CNTN4: variants seen among roughly 807,000 people sequenced by gnomAD.
The protein encoded by CNTN4 is contactin 4, also known as contactin-4.
Under a neutral mutation model 122.5 loss-of-function variants are expected in CNTN4, and 77 were observed. That is an observed-to-expected ratio of 0.63 (90% CI 0.52 to 0.76). CNTN4 has a LOEUF of 0.76. Ranked by LOEUF, CNTN4 falls within the 30% of genes least tolerant of loss-of-function variation. CNTN4 has a pLI of 0.00. For synonymous variants in CNTN4, 512 were observed against 447.0 expected (o/e 1.15, Z -1.83); for missense variants, 1,256 against 1,259.1 (o/e 1.00, Z 0.04).
chr3:2,589,138 C>G (rs1281270935), intron 4 of CNTN4, among the ~76,000 whole-genome samples: 1 of 152,138 alleles, frequency 6.6e-6, no homozygotes, highest in Non-Finnish European at 1.5e-5. Flanking sequence ...TGAACTGCAG[C>G]CCTAGAACAG....
intron 2 of CNTN4, among the ~76,000 whole-genome samples, chr3:2,139,924 G>T (rs62246962): frequency 0.022 from 3,345 of 152,284 alleles, 60 homozygotes; most frequent in Non-Finnish European, 0.034. Context: ...ATCTTGAATT[G>T]TAATCCCTAT....
At chr3:2,813,298 G>A (rs28552112) in intron 6 of CNTN4, among the ~76,000 whole-genome samples, 17,124 of 152,066 alleles carry the variant, frequency 0.11, 1,402 homozygotes, top group East Asian at 0.29. Flanking sequence ...TACTGATTGC[G>A]TCTTTTAAAA....
intron 2 of CNTN4, among the ~76,000 whole-genome samples, chr3:2,223,360 C>T (rs2039139080): frequency 6.6e-6 from 1 of 152,134 alleles, no homozygotes; most frequent in Admixed American, 6.5e-5. Context: ...ATATCCTTCC[C>T]CCTTCTGTTT....
chr3:2,225,012 C>CAT (rs2039218168), intron 2 of CNTN4, among the ~76,000 whole-genome samples: 1 of 150,572 alleles, frequency 6.6e-6, no homozygotes, highest in Non-Finnish European at 1.5e-5. Context: ...TAGCCGGTTG[C>CAT]GGTGGCGGGC....
chr3:3,009,679 C>T (rs1244378839), intron 14 of CNTN4, among the ~76,000 whole-genome samples: 2 of 152,120 alleles, frequency 1.3e-5, no homozygotes, highest in Non-Finnish European at 2.9e-5. Context: ...GTGATCTGCC[C>T]TCCTCGGCCT....
chr3:2,346,012 A>G (rs1470392248), intron 3 of CNTN4, among the ~76,000 whole-genome samples: 2 of 151,922 alleles, frequency 1.3e-5, no homozygotes, highest in African/African-American at 4.8e-5. Flanking sequence ...GTGTAGTTGG[A>G]TTTTTTCAGT....
At chr3:3,047,755 G>C (rs1700821758) in intron 23 of CNTN4, among the ~76,000 whole-genome samples, 1 of 150,982 alleles carries the variant, frequency 6.6e-6, no homozygotes, top group Non-Finnish European at 1.5e-5. Context: ...AAAGCTAGCA[G>C]AAGGCAAGAA....
At chr3:2,717,183 G>A (rs555856322) in intron 4 of CNTN4, among the ~76,000 whole-genome samples, 52 of 152,262 alleles carry the variant, frequency 3.4e-4, no homozygotes, top group South Asian at 1.2e-3. Flanking sequence ...GGTTTAAAAG[G>A]TTGGCCCTTT....
Position 2,385,739 on chromosome 3 carries a change from A to T in CNTN4, c.-89+46506A>T, listed in dbSNP as rs1452069234. On this transcript the variant is annotated intron_variant, in intron 3 of 24. Transcript: ENST00000418658. The surrounding 1 kb of genome is among the most constrained non-coding windows in gnomAD (Gnocchi z 4.0). ...CAAATTTTTTCCTCTTCTCATAAGG[A>T]CATAAGTCTTATTGGATATGACCTA... is the stretch of plus-strand genomic sequence containing the variant. 6.6e-6 allele frequency among the ~76,000 whole-genome samples: 1 copy of T among 152,048 alleles called. No homozygotes were observed. The highest frequency in any genetic ancestry group is 2.4e-5 in the African/African-American group (1 of 41,432).
Position 2,295,386 on chromosome 3 carries a change from G to T in CNTN4, c.-144-43792G>T, listed in dbSNP as rs2042273104. ...ATCGCCATTGTAACTGGTGTGAGAT[G>T]GTATCTCATTGTGGTTTTGATTTGC... On this transcript the variant is annotated intron_variant, in intron 2 of 24. Coordinates refer to ENST00000418658, the MANE Select transcript of CNTN4 (RefSeq NM_175607.3). Among the ~76,000 whole-genome samples, 2 of 134,584 alleles carry T rather than the reference G, an allele frequency of 1.5e-5. 1 individual carries two copies. Among genetic ancestry groups the T allele is most frequent in the Non-Finnish European group, 3.2e-5 (2 of 63,304 alleles). The allele number at this position is 134,584 out of a possible 152,430, so 88.3% of individuals were successfully genotyped here. A position where few individuals can be genotyped will look rare whatever the true frequency, so the allele number is the denominator to read the frequency against.
In CNTN4 at chr3:2,983,213, C is replaced by CA. The variant is rs57079892; in HGVS notation, c.1359-5090dup. Among the ~76,000 whole-genome samples the CA allele has an allele frequency of 1.1e-4, 2 of 19,016 alleles. 1 individual carries two copies. The highest frequency in any genetic ancestry group is 3.3e-4 in the African/African-American group (2 of 6,140). The allele number at this position is 19,016 out of a possible 152,430, so 12.5% of individuals were successfully genotyped here. ...TGGGTGACAGAGCGAGACTCCATCT[C>CA]AAAAAAAAAAAAAAAAAAAAAAAAA... On this transcript the variant is annotated intron_variant, in intron 13 of 24. Coordinates refer to ENST00000418658, the MANE Select transcript of CNTN4 (RefSeq NM_175607.3).
At chr3:2,538,762 A>G (rs2077912512) in intron 3 of CNTN4, among the ~76,000 whole-genome samples, 1 of 151,936 alleles carries the variant, frequency 6.6e-6, no homozygotes, top group Non-Finnish European at 1.5e-5. Flanking sequence ...ATCATTCCTA[A>G]TGGCAGTTAT....
chr3:2,542,427 T>A (rs773790607), intron 3 of CNTN4, among the ~76,000 whole-genome samples: 2 of 152,036 alleles, frequency 1.3e-5, no homozygotes, highest in Admixed American at 6.6e-5. Flanking sequence ...GGAGACAGAA[T>A]CTCAGTAATG....
chr3:3,037,260 T>G lies in CNTN4; in HGVS notation c.2024T>G (p.Val675Gly). Residue 675 changes from valine to glycine, a missense_variant, in exon 18 of 25, where the codon GTT becomes GGT. Coordinates refer to ENST00000418658, the MANE Select transcript of CNTN4 (RefSeq NM_175607.3). Reference sequence around the variant, plus strand: ...TGGGTTGAATATGAATTCCGCACAGTTGCAGCCAACGTGATTGGGATTGGG... The same window carrying G: ...TGGGTTGAATATGAATTCCGCACAGGTGCAGCCAACGTGATTGGGATTGGG... ...NPWVEYEFRT[V>G]AANVIGIGEP... is the part of the protein sequence containing the mutation. 1.2e-6 allele frequency: 2 copies of G among 1,614,204 alleles called. No homozygotes were observed. Among genetic ancestry groups the G allele is most frequent in the Non-Finnish European group, 1.7e-6 (2 of 1,180,038 alleles).
intron 3 of CNTN4, among the ~76,000 whole-genome samples, chr3:2,413,391 G>A (rs1012969921): frequency 7.2e-5 from 11 of 152,150 alleles, no homozygotes; most frequent in Non-Finnish European, 8.8e-5. Flanking sequence ...GAAGCATTAA[G>A]CCTCTTGATA....
intron 3 of CNTN4, among the ~76,000 whole-genome samples, chr3:2,506,810 G>T (rs2076742649): frequency 6.6e-6 from 1 of 152,178 alleles, no homozygotes. Flanking sequence ...TGGGAGACGG[G>T]AGAGGGAGTG....
At chr3:2,626,799 C>G (rs1299834771) in intron 4 of CNTN4, among the ~76,000 whole-genome samples, 2 of 152,126 alleles carry the variant, frequency 1.3e-5, no homozygotes, top group African/African-American at 4.8e-5. Context: ...TTTTCTTAGT[C>G]AACTGTACTA....
intron 4 of CNTN4, among the ~76,000 whole-genome samples, chr3:2,679,060 CA>C (rs1398889010): frequency 6.6e-6 from 1 of 152,262 alleles, no homozygotes. Context: ...TAAATAAACA[CA>C]AAACAGGACA....
intron 15 of CNTN4, among the ~76,000 whole-genome samples, chr3:3,028,286 T>G (rs17657274): frequency 0.064 from 9,759 of 152,232 alleles, 470 homozygotes; most frequent in Admixed American, 0.1. Context: ...ATGCTGTTGT[T>G]TTCTTTGGTA....
Sources: allele counts gnomAD v4.1 joint callset (sites outside exome capture counted in the v4.1 genomes callset), GRCh38; gene constraint gnomAD v4.1.1; non-coding constraint Gnocchi (gnomAD v3.1); transcripts MANE v1.5; gene names NCBI Gene and HGNC (gene_info 2026-07-23, HGNC 2026-07-21).